The following NUMB variants were observed in gnomAD, a reference collection of about 807,000 sequenced individuals.
NUMB encodes NUMB endocytic adaptor protein.
A neutral mutation model predicts 59.7 loss-of-function variants in NUMB; 29 were observed. The observed-to-expected ratio is 0.49, with a 90% CI of 0.36 to 0.66. NUMB has a LOEUF of 0.66. Ranked by LOEUF, NUMB falls within the 30% of genes least tolerant of loss-of-function variation. NUMB has a pLI of 0.00. For missense variants in NUMB, 723 were observed against 822.0 expected (o/e 0.88, Z 1.47); for synonymous variants, 288 against 288.2 (o/e 1.00, Z 0.01).
intron 2 of NUMB, among the ~76,000 whole-genome samples, chr14:73,377,375 T>C (rs2140069307): frequency 6.6e-6 from 1 of 152,278 alleles, no homozygotes; most frequent in East Asian, 1.9e-4. Context: ...TAGTGGGTCA[T>C]GCCTGTAATC....
intron 1 of NUMB, among the ~76,000 whole-genome samples, chr14:73,433,451 T>C (rs1035456268): frequency 1.3e-5 from 2 of 152,102 alleles, no homozygotes; most frequent in African/African-American, 2.4e-5. Context: ...GTAGTAGTGC[T>C]ATAGTAGGCC....
intron 8 of NUMB, 79 bp from the exon 9 acceptor site, chr14:73,287,393 G>A: frequency 7.8e-7 from 1 of 1,275,030 alleles, no homozygotes; most frequent in Non-Finnish European, 1.1e-6. Context: ...GTTTTGTTTT[G>A]TTTTTGAGAC....
chr14:73,296,102 C>G (rs1029965609), intron 7 of NUMB, among the ~76,000 whole-genome samples: 11 of 147,758 alleles, frequency 7.4e-5, no homozygotes, highest in African/African-American at 2.9e-4. Context: ...AGTCTATCAT[C>G]TATTGTATCA....
intron 3 of NUMB, among the ~76,000 whole-genome samples, chr14:73,359,695 G>T (rs1300657380): frequency 1.3e-5 from 2 of 152,076 alleles, no homozygotes; most frequent in Non-Finnish European, 2.9e-5. Flanking sequence ...ATGGGGAGGT[G>T]GTGGAGGCAA....
chr14:73,412,505 T>C (rs112752616), intron 1 of NUMB, among the ~76,000 whole-genome samples: 2,246 of 151,822 alleles, frequency 0.015, 53 homozygotes, highest in African/African-American at 0.048. Context: ...CACATGCCTG[T>C]AATCCCAGCT....
chr14:73,289,879 T>G (rs968368385), intron 8 of NUMB, among the ~76,000 whole-genome samples: 1 of 152,184 alleles, frequency 6.6e-6, no homozygotes, highest in Admixed American at 6.5e-5. Flanking sequence ...GAAGCTTGCT[T>G]ATTCTTTCTC....
intron 4 of NUMB, among the ~76,000 whole-genome samples, chr14:73,333,021 G>A (rs939866277): frequency 5.9e-5 from 9 of 152,088 alleles, no homozygotes; most frequent in African/African-American, 1.9e-4. Context: ...ATGGACATTT[G>A]GACTGTGGTG....
intron 3 of NUMB, among the ~76,000 whole-genome samples, chr14:73,363,896 C>G (rs1380087578): frequency 6.6e-6 from 1 of 152,162 alleles, no homozygotes. Context: ...TTACAGTGAG[C>G]TAAGATCATA....
intron 6 of NUMB, among the ~76,000 whole-genome samples, chr14:73,304,824 G>A (rs554008175): frequency 1.3e-5 from 2 of 151,980 alleles, no homozygotes; most frequent in African/African-American, 2.4e-5. Flanking sequence ...GCGGTGGTGC[G>A]ATCTCGGCTC....
At chr14:73,389,023 C>T (rs1321493500) in intron 2 of NUMB, among the ~76,000 whole-genome samples, 1 of 150,630 alleles carries the variant, frequency 6.6e-6, no homozygotes, top group Non-Finnish European at 1.5e-5. Flanking sequence ...GGCGTGAGCC[C>T]GGGAGGCGGA....
chr14:73,284,727 GGGGA>G (rs1177646197), intron 9 of NUMB: 2 of 184,334 alleles, frequency 1.1e-5, no homozygotes, highest in Non-Finnish European at 2.3e-5. Flanking sequence ...TTGTGTGTTA[GGGGA>G]GGAGAACTTT....
chr14:73,449,048 T>C (rs537672225), intron 1 of NUMB, among the ~76,000 whole-genome samples: 6 of 152,290 alleles, frequency 3.9e-5, no homozygotes, highest in Admixed American at 2.0e-4. Context: ...TTTCTTGTCA[T>C]TATACCCTAA....
At chr14:73,418,008 G>A (rs1052578397) in intron 1 of NUMB, among the ~76,000 whole-genome samples, 1 of 152,036 alleles carries the variant, frequency 6.6e-6, no homozygotes, top group Non-Finnish European at 1.5e-5. Flanking sequence ...AGGAGGCTGA[G>A]GCAGGAGAAT....
At chr14:73,407,417 G>A (rs937974864) in intron 2 of NUMB, among the ~76,000 whole-genome samples, 1 of 152,100 alleles carries the variant, frequency 6.6e-6, no homozygotes, top group East Asian at 1.9e-4. Flanking sequence ...TCCTCCCTGG[G>A]CAACAGAGCA....
intron 2 of NUMB, among the ~76,000 whole-genome samples, chr14:73,367,354 G>GAGAGAGAGAGAC (rs1894415062): frequency 7.6e-6 from 1 of 131,372 alleles, no homozygotes; most frequent in African/African-American, 3.2e-5. Context: ...TATATAGAGA[G>GAGAGAGAGAGAC]AGAGAGAGAG....
chr14:73,367,344 T>TAGAGAGAGAGAGAGAGAGAG (rs1480182542), intron 2 of NUMB, among the ~76,000 whole-genome samples: 36 of 84,162 alleles, frequency 4.3e-4, no homozygotes, highest in South Asian at 2.3e-3. Context: ...TATATATATA[T>TAGAGAGAGAGAGAGAGAGAG]ATATAGAGAG....
At chr14:73,311,909 G>A (rs1254733989) in intron 6 of NUMB, among the ~76,000 whole-genome samples, 1 of 152,162 alleles carries the variant, frequency 6.6e-6, no homozygotes, top group African/African-American at 2.4e-5. Flanking sequence ...GATGAATTAA[G>A]TGATGGCAAC....
intron 1 of NUMB, among the ~76,000 whole-genome samples, chr14:73,435,022 G>A (rs1897991862): frequency 6.6e-6 from 1 of 152,022 alleles, no homozygotes; most frequent in Non-Finnish European, 1.5e-5. Flanking sequence ...CTATCAATCT[G>A]CAAATTTGCC....
chr14:73,356,540 G>A (rs553139358), intron 3 of NUMB, among the ~76,000 whole-genome samples: 2 of 152,216 alleles, frequency 1.3e-5, no homozygotes, highest in African/African-American at 2.4e-5. Flanking sequence ...CTACTCAGGA[G>A]GCTGAGGCAG....
Sources: gnomAD v4.1 joint callset for allele counts (sites outside exome capture counted in the v4.1 genomes callset) on GRCh38, gnomAD v4.1.1 for gene constraint, MANE v1.5 for transcripts, NCBI Gene and HGNC (gene_info 2026-07-23, HGNC 2026-07-21) for gene names.